Variants in CEP112 observed in about 807,000 individuals in gnomAD.
CEP112 encodes the protein centrosomal protein 112.
A neutral mutation model predicts 153.0 loss-of-function variants in CEP112; 127 were observed. That is an observed-to-expected ratio of 0.83 (90% CI 0.72 to 0.96). CEP112 has a LOEUF of 0.96. Among genes scored for constraint, CEP112 ranks in the 40% least tolerant of loss-of-function variants. CEP112 has a pLI of 0.00. For synonymous variants in CEP112, 358 were observed against 374.4 expected (o/e 0.96, Z 0.51); for missense variants, 1,089 against 1,101.2 (o/e 0.99, Z 0.16).
chr17:65,956,417 C>G (rs1291563575), intron 18 of CEP112, among the ~76,000 whole-genome samples: 4 of 151,648 alleles, frequency 2.6e-5, no homozygotes. Flanking sequence ...CATACACACA[C>G]ACACACACAC....
chr17:66,180,419 T>C (rs1006479914), intron 2 of CEP112, among the ~76,000 whole-genome samples: 5 of 152,158 alleles, frequency 3.3e-5, no homozygotes, highest in Non-Finnish European at 7.4e-5. Context: ...TGAAAAATCT[T>C]TCTATAATTT....
At chr17:65,914,767 A>G (rs982840043) in intron 19 of CEP112, among the ~76,000 whole-genome samples, 7 of 152,174 alleles carry the variant, frequency 4.6e-5, no homozygotes, top group African/African-American at 1.7e-4. Flanking sequence ...TCTCATTTTA[A>G]AAAAACTTTC....
chr17:65,968,919 T>C (rs1197960860), intron 17 of CEP112, among the ~76,000 whole-genome samples: 1 of 152,222 alleles, frequency 6.6e-6, no homozygotes, highest in African/African-American at 2.4e-5. Flanking sequence ...TAATTTATCC[T>C]TACATAGCAA....
intron 23 of CEP112, among the ~76,000 whole-genome samples, chr17:65,704,743 T>A (rs901436854): frequency 6.6e-6 from 1 of 152,208 alleles, no homozygotes; most frequent in Admixed American, 6.5e-5. Context: ...CACATTCACA[T>A]GACGGATAGA....
intron 21 of CEP112, among the ~76,000 whole-genome samples, chr17:65,837,651 G>A (rs2057369176): frequency 6.6e-6 from 1 of 152,224 alleles, no homozygotes; most frequent in South Asian, 2.1e-4. Flanking sequence ...ATAGAAAAGG[G>A]GGAAATGTGG....
At chr17:65,782,307 C>T (rs1371755677) in intron 21 of CEP112, among the ~76,000 whole-genome samples, 1 of 152,118 alleles carries the variant, frequency 6.6e-6, no homozygotes, top group Non-Finnish European at 1.5e-5. Context: ...CCATCTCACA[C>T]CAGTCAGAAT....
chr17:66,071,246 A>G (rs945392464), intron 8 of CEP112, among the ~76,000 whole-genome samples: 1 of 152,178 alleles, frequency 6.6e-6, no homozygotes, highest in Non-Finnish European at 1.5e-5. Flanking sequence ...AAATGTTATG[A>G]ATGGTGGAGA....
chr17:66,075,654 A>G (rs1213741387), intron 8 of CEP112, among the ~76,000 whole-genome samples: 1 of 152,188 alleles, frequency 6.6e-6, no homozygotes, highest in Non-Finnish European at 1.5e-5. Flanking sequence ...CTGTTAAAAA[A>G]TTAGCAATGG....
chr17:66,125,345 G>A (rs1367973556), intron 6 of CEP112, among the ~76,000 whole-genome samples: 1 of 152,078 alleles, frequency 6.6e-6, no homozygotes, highest in Non-Finnish European at 1.5e-5. Flanking sequence ...TTCTCTCCCA[G>A]ACCATTGCGT....
intron 19 of CEP112, among the ~76,000 whole-genome samples, chr17:65,916,575 C>T (rs1372146548): frequency 2.0e-5 from 3 of 150,888 alleles, no homozygotes; most frequent in African/African-American, 4.9e-5. Context: ...TGGGGTCTTG[C>T]TCTGTCACCC....
In CEP112 at chr17:65,851,829, G is replaced by A; in HGVS notation, c.2369C>T (p.Ala790Val). The change falls in exon 21 of 27, where the codon GCT becomes GTT. Residue 790 changes from alanine (A) to valine (V), a missense_variant. Coordinates refer to ENST00000535342, the MANE Select transcript of CEP112 (RefSeq NM_001199165.4). ...MKIELKKTHA[A>V]ETEMTLEKAN... ...CTTTTCCAGTGTCATCTCTGTCTCA[G>A]CAGCATGAGTCTTTTTCAGCTCTAT... 6.2e-7 allele frequency: 1 copy of A among 1,613,402 alleles called. No individual in the cohort carries two copies. The highest frequency in any genetic ancestry group is 8.5e-7 in the Non-Finnish European group (1 of 1,179,650).
intron 4 of CEP112, among the ~76,000 whole-genome samples, chr17:66,155,515 C>A (rs1358877476): frequency 6.6e-6 from 1 of 151,488 alleles, no homozygotes; most frequent in East Asian, 1.9e-4. Context: ...TTTTTCATAC[C>A]CCAGTGGCAC....
At chr17:66,113,975 GCT>G (rs1244214340) in intron 6 of CEP112, among the ~76,000 whole-genome samples, 1 of 152,076 alleles carries the variant, frequency 6.6e-6, no homozygotes, top group Non-Finnish European at 1.5e-5. Context: ...CATTTTTTAT[GCT>G]CTTTTAGAAA....
At chr17:66,009,922 T>G (rs2064441837) in intron 16 of CEP112, among the ~76,000 whole-genome samples, 1 of 152,240 alleles carries the variant, frequency 6.6e-6, no homozygotes, top group Non-Finnish European at 1.5e-5. Flanking sequence ...TCTTTTTGCT[T>G]ACGATTGTCT....
At chr17:65,963,674 G>GGTGTGTGTGT (rs58215209) in intron 17 of CEP112, among the ~76,000 whole-genome samples, 1 of 147,542 alleles carries the variant, frequency 6.8e-6, no homozygotes, top group African/African-American at 2.5e-5. Flanking sequence ...TATAGATAGG[G>GGTGTGTGTGT]GTGTGTGTGT....
At chr17:66,030,113 T>A in intron 12 of CEP112, 90 bp from the exon 13 acceptor site, 1 of 997,132 alleles carries the variant, frequency 1.0e-6, no homozygotes, top group African/African-American at 1.6e-5. Flanking sequence ...GTATAATCTA[T>A]AAGAATAAAT....
chr17:66,146,822 T>C (rs944412093), intron 4 of CEP112, among the ~76,000 whole-genome samples: 1 of 152,194 alleles, frequency 6.6e-6, no homozygotes, highest in African/African-American at 2.4e-5. Context: ...TTTATCCATG[T>C]TGTCCCATGT....
chr17:66,011,397 T>C (rs1020748299), intron 16 of CEP112, among the ~76,000 whole-genome samples: 4 of 152,190 alleles, frequency 2.6e-5, no homozygotes, highest in African/African-American at 9.7e-5. Context: ...GCCTTTGCTA[T>C]ATCCCAGAGA....
At chr17:65,959,628 C>T (rs2062126539) in intron 18 of CEP112, among the ~76,000 whole-genome samples, 1 of 152,184 alleles carries the variant, frequency 6.6e-6, no homozygotes, top group Non-Finnish European at 1.5e-5. Context: ...TCCTTGGGTT[C>T]CTGTGGTTCC....
Sources: allele counts gnomAD v4.1 joint callset (sites outside exome capture counted in the v4.1 genomes callset), GRCh38; gene constraint gnomAD v4.1.1; transcripts MANE v1.5; gene names NCBI Gene and HGNC (gene_info 2026-07-23, HGNC 2026-07-21).